Variants in GALNT13 observed in about 807,000 individuals in gnomAD.
GALNT13 encodes UDP-GalNAc:polypeptide N-acetylgalactosaminyltransferase 13.
In GALNT13, 28 loss-of-function variants were observed where a neutral mutation model predicts 64.2. The observed-to-expected ratio is 0.44, with a 90% CI of 0.32 to 0.60. GALNT13 has a LOEUF of 0.60. GALNT13 is among the 20% of genes least tolerant of loss of function. The pLI, the probability that GALNT13 is intolerant of heterozygous loss-of-function variation, is 0.05. For synonymous variants in GALNT13, 214 were observed against 224.6 expected, an observed-to-expected ratio of 0.95 and a Z score of 0.42; for missense variants, 577 against 669.8, an observed-to-expected ratio of 0.86 and a Z score of 1.53.
At chr2:154,419,251 C>T (rs1700150545) in intron 11 of GALNT13, among the ~76,000 whole-genome samples, 1 of 152,042 alleles carries the variant, frequency 6.6e-6, no homozygotes, top group East Asian at 1.9e-4. Flanking sequence ...TGATCTGATC[C>T]TGCCGAGTGT....
the GALNT13 span, among the ~76,000 whole-genome samples, chr2:153,494,145 T>C: frequency 6.6e-5 from 10 of 152,142 alleles, no homozygotes; most frequent in South Asian, 1.2e-3. Flanking sequence ...AAAAGGCCTA[T>C]GTAACTAAAA....
chr2:153,421,236 G>A, the GALNT13 span: 59 of 181,630 alleles, frequency 3.2e-4, no homozygotes, highest in African/African-American at 1.2e-3. Context: ...GTACCAGGTC[G>A]GTCTGGAATT....
the GALNT13 span, among the ~76,000 whole-genome samples, chr2:153,440,305 A>G: frequency 3.9e-5 from 6 of 152,204 alleles, no homozygotes; most frequent in Non-Finnish European, 8.8e-5. Flanking sequence ...GCTGCATAGT[A>G]TTCCGTCGTG....
chr2:153,225,708 A>G, the GALNT13 span, among the ~76,000 whole-genome samples: 1 of 152,326 alleles, frequency 6.6e-6, no homozygotes, highest in East Asian at 1.9e-4. Flanking sequence ...TTGAAATTTA[A>G]AAATAAAAAA....
chr2:153,683,473 T>G, the GALNT13 span, among the ~76,000 whole-genome samples: 4 of 151,732 alleles, frequency 2.6e-5, no homozygotes, highest in African/African-American at 9.7e-5. Context: ...CTTGAGAAAG[T>G]TCAAGGTTAA....
chr2:153,328,705 C>T, the GALNT13 span, among the ~76,000 whole-genome samples: 4 of 152,102 alleles, frequency 2.6e-5, no homozygotes, highest in South Asian at 2.1e-4. Context: ...GTGCTGGCAG[C>T]GAGAATGGCA....
chr2:154,217,806 G>C (rs1688124741), intron 4 of GALNT13, among the ~76,000 whole-genome samples: 1 of 152,102 alleles, frequency 6.6e-6, no homozygotes, highest in African/African-American at 2.4e-5. Flanking sequence ...AAAATATGCT[G>C]TCCTCACAAA....
At chr2:153,445,358 T>A in the GALNT13 span, among the ~76,000 whole-genome samples, 1 of 152,190 alleles carries the variant, frequency 6.6e-6, no homozygotes, top group African/African-American at 2.4e-5. Context: ...TTATTTATTT[T>A]AAAAATAACA....
the GALNT13 span, among the ~76,000 whole-genome samples, chr2:153,686,718 A>G: frequency 6.6e-6 from 1 of 151,918 alleles, no homozygotes. Context: ...GGTCTTGTGC[A>G]GGTTTTCAAG....
chr2:153,167,246 A>G, the GALNT13 span, among the ~76,000 whole-genome samples: 1 of 152,166 alleles, frequency 6.6e-6, no homozygotes, highest in Admixed American at 6.5e-5. Context: ...ATCCCAACAG[A>G]AGGGTCATAC....
At chr2:153,569,170 C>A in the GALNT13 span, among the ~76,000 whole-genome samples, 1 of 151,970 alleles carries the variant, frequency 6.6e-6, no homozygotes, top group Non-Finnish European at 1.5e-5. Context: ...GTAGAAGCTG[C>A]CAAATAAGCA....
At chr2:154,367,704 ATTC>A (rs1356236737) in intron 9 of GALNT13, among the ~76,000 whole-genome samples, 1 of 152,218 alleles carries the variant, frequency 6.6e-6, no homozygotes, top group East Asian at 1.9e-4. Context: ...TCTAGAAGCT[ATTC>A]TTATAATGTA....
chr2:153,345,886 C>A, the GALNT13 span, among the ~76,000 whole-genome samples: 2 of 151,814 alleles, frequency 1.3e-5, no homozygotes, highest in African/African-American at 4.8e-5. Context: ...GTTTCGACTT[C>A]CTGGGCTCAG....
chr2:154,315,319 A>T (rs1435197700), intron 9 of GALNT13, among the ~76,000 whole-genome samples: 1 of 152,202 alleles, frequency 6.6e-6, no homozygotes, highest in Non-Finnish European at 1.5e-5. Flanking sequence ...TATGAGTTTG[A>T]GAGCATTGCA....
intron 3 of GALNT13, among the ~76,000 whole-genome samples, chr2:153,968,875 A>G (rs1284557664): frequency 2.0e-5 from 3 of 152,190 alleles, no homozygotes; most frequent in Non-Finnish European, 2.9e-5. Context: ...ATGTGTATAC[A>G]TATCTCACCA....
chr2:154,247,325 A>T (rs1244697129), intron 7 of GALNT13, among the ~76,000 whole-genome samples: 1 of 152,020 alleles, frequency 6.6e-6, no homozygotes, highest in African/African-American at 2.4e-5. Context: ...TCATGTTACC[A>T]TCATTTATTA....
chr2:153,120,386 GA>G, the GALNT13 span, among the ~76,000 whole-genome samples: 2 of 152,254 alleles, frequency 1.3e-5, no homozygotes, highest in South Asian at 2.1e-4. Context: ...CAACTATAAA[GA>G]AAAAATTATT....
chr2:153,535,550 G>T, the GALNT13 span, among the ~76,000 whole-genome samples: 1 of 152,126 alleles, frequency 6.6e-6, no homozygotes, highest in Non-Finnish European at 1.5e-5. Flanking sequence ...AGTCTAAGTT[G>T]GTCTGGTGTC....
the GALNT13 span, among the ~76,000 whole-genome samples, chr2:153,476,268 AAC>A: frequency 6.6e-6 from 1 of 152,226 alleles, no homozygotes; most frequent in Non-Finnish European, 1.5e-5. Context: ...TTGAGTCGTT[AAC>A]ATTGTTTACA....
Sources: allele counts gnomAD v4.1 joint callset (sites outside exome capture counted in the v4.1 genomes callset), GRCh38; gene constraint gnomAD v4.1.1; transcripts MANE v1.5; gene names NCBI Gene and HGNC (gene_info 2026-07-23, HGNC 2026-07-21).